AKAP19: variants seen among roughly 807,000 people sequenced by gnomAD.
AKAP19 encodes the protein small A-kinase anchoring protein.
chr2:189,981,236 A>T, the AKAP19 span, among the ~76,000 whole-genome samples: 3 of 148,232 alleles, frequency 2.0e-5, no homozygotes, highest in Non-Finnish European at 3.0e-5. Flanking sequence ...TTCTTGTTCA[A>T]TTGAACCCTT....
chr2:190,170,888 C>T, the AKAP19 span, among the ~76,000 whole-genome samples: 1 of 152,138 alleles, frequency 6.6e-6, no homozygotes, highest in Non-Finnish European at 1.5e-5. Context: ...ATTGAACTTC[C>T]TTGTACATAA....
chr2:190,161,840 T>C, the AKAP19 span, among the ~76,000 whole-genome samples: 4 of 152,310 alleles, frequency 2.6e-5, no homozygotes, highest in East Asian at 1.9e-4. Context: ...TCAGATGATA[T>C]GAGTTTATTA....
chr2:189,888,833 G>T, the AKAP19 span, among the ~76,000 whole-genome samples: 1 of 152,214 alleles, frequency 6.6e-6, no homozygotes, highest in Non-Finnish European at 1.5e-5. Flanking sequence ...AGCTTAAGGA[G>T]ATTTTGAGCT....
chr2:189,965,246 G>T, the AKAP19 span, among the ~76,000 whole-genome samples: 4 of 152,186 alleles, frequency 2.6e-5, no homozygotes, highest in South Asian at 4.1e-4. Flanking sequence ...TCTTATATGG[G>T]CCCAAGTTGT....
the AKAP19 span, among the ~76,000 whole-genome samples, chr2:190,103,832 T>A: frequency 4.6e-5 from 7 of 152,032 alleles, no homozygotes; most frequent in African/African-American, 1.7e-4. Flanking sequence ...TAGAAAAAAA[T>A]TCTAAAATTC....
the AKAP19 span, chr2:190,057,701 C>A: frequency 6.5e-7 from 1 of 1,549,380 alleles, no homozygotes; most frequent in Non-Finnish European, 8.9e-7. Flanking sequence ...TTCTACCTAC[C>A]TTAAGAAGTT....
chr2:190,111,062 TG>T, the AKAP19 span, among the ~76,000 whole-genome samples: 16 of 152,158 alleles, frequency 1.1e-4, no homozygotes, highest in African/African-American at 3.9e-4. Flanking sequence ...ATTCTAATTT[TG>T]TGCCAAGGGC....
chr2:189,947,837 T>G, the AKAP19 span, among the ~76,000 whole-genome samples: 1 of 152,122 alleles, frequency 6.6e-6, no homozygotes, highest in Non-Finnish European at 1.5e-5. Flanking sequence ...CAAATCTATG[T>G]GAAGAATAAA....
chr2:189,909,227 T>G, the AKAP19 span, among the ~76,000 whole-genome samples: 6 of 151,898 alleles, frequency 4.0e-5, no homozygotes, highest in African/African-American at 1.4e-4. Flanking sequence ...TATTTTTTCT[T>G]TGCTTTTAGT....
At chr2:190,194,422 T>C in the AKAP19 span, among the ~76,000 whole-genome samples, 7 of 151,456 alleles carry the variant, frequency 4.6e-5, no homozygotes, top group South Asian at 4.2e-4. Context: ...TTCAGAGCAG[T>C]TTTAAGTTAA....
the AKAP19 span, among the ~76,000 whole-genome samples, chr2:190,143,530 T>G: frequency 6.6e-6 from 1 of 152,202 alleles, no homozygotes; most frequent in Non-Finnish European, 1.5e-5. Context: ...TGTTTATGTT[T>G]TTGGCTCCCT....
chr2:190,108,170 T>A, the AKAP19 span, among the ~76,000 whole-genome samples: 1 of 152,250 alleles, frequency 6.6e-6, no homozygotes, highest in East Asian at 1.9e-4. Flanking sequence ...TTGTTGTTAT[T>A]TTTTGAAACA....
At chr2:190,200,133 G>C in the AKAP19 span, 2 of 1,613,768 alleles carry the variant, frequency 1.2e-6, no homozygotes. Context: ...CATACATTGA[G>C]AGTGAGGGGC....
the AKAP19 span, among the ~76,000 whole-genome samples, chr2:189,998,963 G>T: frequency 1.3e-5 from 2 of 150,832 alleles, no homozygotes; most frequent in Non-Finnish European, 3.0e-5. Context: ...GTAGAGACAG[G>T]GTTTTACCAT....
the AKAP19 span, among the ~76,000 whole-genome samples, chr2:190,012,186 A>G: frequency 6.6e-6 from 1 of 152,120 alleles, no homozygotes; most frequent in African/African-American, 2.4e-5. Context: ...GTGCAGTGGC[A>G]CAATCTCAGC....
the AKAP19 span, among the ~76,000 whole-genome samples, chr2:190,014,355 G>A: frequency 2.6e-5 from 4 of 152,136 alleles, no homozygotes; most frequent in African/African-American, 9.7e-5. Flanking sequence ...GCAGGTGAGA[G>A]CAAGTGAGTG....
At chr2:189,924,173 G>A in the AKAP19 span, 1 of 1,608,658 alleles carries the variant, frequency 6.2e-7, no homozygotes, top group African/African-American at 1.3e-5. Flanking sequence ...GCTGAGGAAG[G>A]AGAGGATGAC....
the AKAP19 span, among the ~76,000 whole-genome samples, chr2:190,112,388 A>G: frequency 1.3e-5 from 2 of 152,098 alleles, no homozygotes; most frequent in South Asian, 4.1e-4. Context: ...ATTTCTTTGT[A>G]TTTACTTAGT....
chr2:189,979,236 A>T, the AKAP19 span, among the ~76,000 whole-genome samples: 1 of 152,172 alleles, frequency 6.6e-6, no homozygotes, highest in Non-Finnish European at 1.5e-5. Flanking sequence ...AAATAGATGC[A>T]TGTATTAATG....
Sources: allele counts gnomAD v4.1 joint callset (sites outside exome capture counted in the v4.1 genomes callset), GRCh38; gene constraint gnomAD v4.1.1; transcripts MANE v1.5; gene names NCBI Gene and HGNC (gene_info 2026-07-23, HGNC 2026-07-21).